The following ALDOA variants were observed in gnomAD, a reference collection of about 807,000 sequenced individuals.
The protein encoded by ALDOA is fructose-bisphosphate aldolase A.
In ALDOA, 26 loss-of-function variants were observed where a neutral mutation model predicts 43.9. That is an observed-to-expected ratio of 0.59 (90% CI 0.43 to 0.82). The LOEUF (loss-of-function observed/expected upper bound fraction) is 0.82. ALDOA is among the 40% of genes least tolerant of loss of function. ALDOA has a pLI of 0.00. For synonymous variants in ALDOA, 258 were observed against 222.6 expected (o/e 1.16, Z -1.42); for missense variants, 498 against 549.5 (o/e 0.91, Z 0.94).
At position 30,069,287 on chromosome 16, in the gene ALDOA, C is replaced by G; in HGVS notation, c.703-19C>G. 6.2e-7 allele frequency: 1 copy of G among 1,613,920 alleles called. No homozygotes were observed. Among genetic ancestry groups the G allele is most frequent in the Non-Finnish European group, 8.5e-7 (1 of 1,179,818 alleles). ...CTGGGTTAGGAGGCCTCACAGTGACCCTGTCCCTCGCCCTGCAGAATGGCA... is the reference window on the plus strand; with the variant it reads ...CTGGGTTAGGAGGCCTCACAGTGACGCTGTCCCTCGCCCTGCAGAATGGCA... On this transcript the variant is annotated intron_variant, in intron 6 of 9. Transcript: ENST00000642816.
At chr16:30,068,322 C>T in intron 4 of ALDOA, 3 of 371,840 alleles carry the variant, frequency 8.1e-6, no homozygotes, top group Non-Finnish European at 1.6e-5. Flanking sequence ...CCTCGGCCTC[C>T]CAAAGTGCTG....
rs1352450798 is a variant in ALDOA at position 30,070,176 on chromosome 16, C to T, written c.1221C>T (p.Ala407=). ...CGAGCGGTCAGGCTGGGGCTGCTGC[C>T]AGCGAGTCCCTCTTCGTCTCTAACC... ...YTPSGQAGAA[A]SESLFVSNHA... is the part of the protein sequence containing the mutation. The change falls in exon 10 of 10, where the codon GCC becomes GCT. Residue 407 remains alanine (A), a synonymous_variant. Transcript: ENST00000642816. 1.2e-6 allele frequency: 2 copies of T among 1,614,132 alleles called. No individual in the cohort carries two copies. Among genetic ancestry groups the T allele is most frequent in the Non-Finnish European group, 1.7e-6 (2 of 1,180,034 alleles).
upstream of ALDOA, chr16:30,065,699 G>A (rs1017072893): frequency 1.3e-5 from 2 of 152,216 alleles, no homozygotes; most frequent in African/African-American, 2.4e-5. Flanking sequence ...TCCTCGTAAA[G>A]GAAAAAGCTC....
chr16:30,067,069 G>T, intron 2 of ALDOA, 31 bp downstream of exon 2: 5 of 1,572,928 alleles, frequency 3.2e-6, no homozygotes, highest in Non-Finnish European at 4.3e-6. Flanking sequence ...AAGGGAAGTT[G>T]GGCGTAAGAG....
upstream of ALDOA, chr16:30,065,549 A>T (rs2072067550): frequency 6.6e-6 from 1 of 152,068 alleles, no homozygotes; most frequent in Non-Finnish European, 1.5e-5. Context: ...GACCCGCGGG[A>T]TGTGGTCCGA....
intron 1 of ALDOA, 110 bp from the exon 2 acceptor site, chr16:30,066,775 G>T: frequency 7.8e-7 from 1 of 1,279,402 alleles, no homozygotes; most frequent in South Asian, 1.5e-5. Context: ...TGTGTGGCTT[G>T]AAGCACAGAC....
At chr16:30,069,257 G>A in intron 6 of ALDOA, 49 bp from the exon 7 acceptor site, 1 of 1,589,080 alleles carries the variant, frequency 6.3e-7, no homozygotes, top group Non-Finnish European at 8.6e-7. Flanking sequence ...GATGTAGGTG[G>A]GACTCTGGGT....
At chr16:30,065,055 G>A (rs1162687949), upstream of ALDOA, among the ~76,000 whole-genome samples, 3 of 152,378 alleles carry the variant, frequency 2.0e-5, no homozygotes, top group East Asian at 3.9e-4. Context: ...TGGCGCAGAG[G>A]ACTACCAGCC....
chr16:30,064,571 T>A, upstream of ALDOA: 1 of 398,626 alleles, frequency 2.5e-6, no homozygotes, highest in Non-Finnish European at 4.4e-6. Flanking sequence ...CCTTCCCCCA[T>A]GCCGGGCCCC....
At chr16:30,064,633 C>G (rs570781314), upstream of ALDOA, 1 of 395,642 alleles carries the variant, frequency 2.5e-6, no homozygotes, top group African/African-American at 2.1e-5. Context: ...TAGGTCCCTG[C>G]CAGAGGATCC....
chr16:30,067,585 C>T lies in ALDOA; in HGVS notation c.410C>T (p.Thr137Ile), dbSNP rs2072165284. The T allele has an allele frequency of 6.2e-7, 1 of 1,614,090 alleles. No homozygotes were observed. The highest frequency in any genetic ancestry group is 8.5e-7 in the Non-Finnish European group (1 of 1,180,038). The change falls in exon 4 of 10, where the codon ACA becomes ATA. Residue 137 changes from threonine to isoleucine, a missense_variant. Coordinates refer to ENST00000642816, the MANE Select transcript of ALDOA (RefSeq NM_001243177.4). ...GGGGGTGTCATCCTCTTCCATGAGA[C>T]ACTCTACCAGAAGGCGGATGATGGG... ...CIGGVILFHE[T>I]LYQKADDGRP...
chr16:30,069,826 A>G lies in ALDOA; in HGVS notation c.962-4A>G, dbSNP rs1464718550. The G allele has an allele frequency of 1.9e-6, 3 of 1,613,766 alleles. No individual in the cohort carries two copies. Among genetic ancestry groups the G allele is most frequent in the Non-Finnish European group, 2.5e-6 (3 of 1,179,944 alleles). ...GCCCCTCTCGCCTCACCCCTGCTCT[A>G]CAGGGATCACCTTCCTGTCTGGAGG... is the stretch of plus-strand genomic sequence containing the variant. On this transcript the variant is annotated splice_region_variant and splice_polypyrimidine_tract_variant and intron_variant, in intron 8 of 9. Coordinates refer to ENST00000642816, the MANE Select transcript of ALDOA (RefSeq NM_001243177.4).
upstream of ALDOA, chr16:30,064,387 C>T (rs1596802568): frequency 5.0e-6 from 2 of 398,704 alleles, no homozygotes; most frequent in East Asian, 7.1e-5. Flanking sequence ...AGGGAGGCCA[C>T]GTGATCCGAG....
At position 30,067,311 on chromosome 16, in the gene ALDOA, C is replaced by T. The variant is rs773402743; in HGVS notation, c.219C>T (p.Ile73=). ...TPEQKKELSD[I]AHRIVAPGKG... Reference sequence around the variant, plus strand: ...AGCAGAAGAAGGAGCTGTCTGACATCGCTCACCGCATCGTGGCACCTGGCA... The same window carrying T: ...AGCAGAAGAAGGAGCTGTCTGACATTGCTCACCGCATCGTGGCACCTGGCA... Residue 73 remains isoleucine, a synonymous_variant, in exon 3 of 10, where the codon ATC becomes ATT. Coordinates refer to ENST00000642816, the MANE Select transcript of ALDOA (RefSeq NM_001243177.4). The T allele has an allele frequency of 1.1e-5, 18 of 1,613,136 alleles. No homozygotes were observed. Among genetic ancestry groups the T allele is most frequent in the African/African-American group, 2.7e-5 (2 of 74,894 alleles).
intron 6 of ALDOA, 151 bp from the exon 7 acceptor site, chr16:30,069,155 C>G (rs1465380012): frequency 2.3e-6 from 3 of 1,320,248 alleles, no homozygotes; most frequent in Admixed American, 1.9e-5. Flanking sequence ...GTGGGTGGAT[C>G]TGAGGCGGCT....
chr16:30,068,207 G>T (rs1269474343), intron 4 of ALDOA: 1 of 319,706 alleles, frequency 3.1e-6, no homozygotes, highest in East Asian at 8.4e-5. Context: ...TGGGACTACA[G>T]GCGCCCGCCA....
chr16:30,069,108 C>A, intron 6 of ALDOA, 130 bp downstream of exon 6: 1 of 1,476,328 alleles, frequency 6.8e-7, no homozygotes, highest in Middle Eastern at 1.7e-4. Flanking sequence ...GGAGGACACT[C>A]AAGGGCTGTT....
chr16:30,067,889 T>C lies in ALDOA; in HGVS notation c.486+228T>C, dbSNP rs2072177214. On this transcript the variant is annotated intron_variant, in intron 4 of 9. Transcript: ENST00000642816. ...CAGAAGCTCAGGGAAGTGAAGTGTT[T>C]TGCTCAGAGTAAGTGGCAGAGCCCC... is the stretch of plus-strand genomic sequence containing the variant. 1.8e-5 allele frequency: 11 copies of C among 597,394 alleles called. No individual in the cohort carries two copies. The South Asian group carries it at 2.1e-4, about 12-fold the overall frequency. The allele number at this position is 597,394 out of a possible 1,614,324, so 37.0% of individuals were successfully genotyped here.
Position 30,070,163 on chromosome 16 carries a change from C to G in ALDOA, c.1208C>G (p.Ala403Gly), listed in dbSNP as rs1261199026. 6.2e-7 allele frequency: 1 copy of G among 1,614,154 alleles called. No homozygotes were observed. The highest frequency in any genetic ancestry group is 8.5e-7 in the Non-Finnish European group (1 of 1,180,034). ...GGAAAGTACACTCCGAGCGGTCAGG[C>G]TGGGGCTGCTGCCAGCGAGTCCCTC... Reference protein sequence around the residue: ...CQGKYTPSGQAGAAASESLFV... With the variant: ...CQGKYTPSGQGGAAASESLFV... Residue 403 changes from alanine (A) to glycine (G), a missense_variant, in exon 10 of 10, where the codon GCT becomes GGT. Coordinates refer to ENST00000642816, the MANE Select transcript of ALDOA (RefSeq NM_001243177.4).
Sources: allele counts gnomAD v4.1 joint callset (sites outside exome capture counted in the v4.1 genomes callset), GRCh38; gene constraint gnomAD v4.1.1; transcripts MANE v1.5; gene names NCBI Gene and HGNC (gene_info 2026-07-23, HGNC 2026-07-21).